SMARCAD1: variants seen among roughly 807,000 people sequenced by gnomAD.
SMARCAD1 encodes the protein SWI/SNF-related matrix-associated actin-dependent regulator of chromatin subfamily A containing DEAD/H box 1.
SMARCAD1 carries 25 observed loss-of-function variants against 127.1 expected under a neutral mutation model. The ratio of observed to expected loss-of-function variants is 0.20; its 90% CI spans 0.14 to 0.27. SMARCAD1 has a LOEUF of 0.27. Ranked by LOEUF, SMARCAD1 falls within the 10% of genes least tolerant of loss-of-function variation. The pLI is 1.00. For missense variants in SMARCAD1, 807 were observed against 1,206.0 expected, an observed-to-expected ratio of 0.67 and a Z score of 4.90; for synonymous variants, 400 against 396.9, an observed-to-expected ratio of 1.01 and a Z score of -0.09.
At chr4:94,225,564 T>C (rs1744861507) in intron 2 of SMARCAD1, among the ~76,000 whole-genome samples, 1 of 152,186 alleles carries the variant, frequency 6.6e-6, no homozygotes, top group South Asian at 2.1e-4. Flanking sequence ...TATTGGTGAT[T>C]GGGACTTAAT....
chr4:94,283,375 T>C, intron 22 of SMARCAD1, 72 bp downstream of exon 22: 1 of 1,459,736 alleles, frequency 6.9e-7, no homozygotes, highest in South Asian at 1.2e-5. Flanking sequence ...TAGAATATAG[T>C]GTTGGATGTC....
intron 7 of SMARCAD1, 152 bp downstream of exon 7, chr4:94,249,907 A>T: frequency 1.6e-6 from 1 of 624,444 alleles, no homozygotes; most frequent in Non-Finnish European, 2.9e-6. Flanking sequence ...AAGTATTTTC[A>T]TACTGTTTAT....
chr4:94,214,417 A>G (rs1341718446), intron 2 of SMARCAD1, among the ~76,000 whole-genome samples: 2 of 145,136 alleles, frequency 1.4e-5, no homozygotes, highest in Non-Finnish European at 3.0e-5. Context: ...GCCCGCCACC[A>G]CGCCGGGCTA....
chr4:94,271,931 T>C (rs1189994595), intron 11 of SMARCAD1, among the ~76,000 whole-genome samples: 2 of 152,240 alleles, frequency 1.3e-5, no homozygotes, highest in African/African-American at 4.8e-5. Flanking sequence ...ACAATATTTA[T>C]AAGTTGATGG....
At chr4:94,242,642 G>T (rs898151126) in intron 6 of SMARCAD1, among the ~76,000 whole-genome samples, 1 of 151,504 alleles carries the variant, frequency 6.6e-6, no homozygotes, top group African/African-American at 2.4e-5. Context: ...ATTAGCTTAT[G>T]CCTATAATCC....
In SMARCAD1 at chr4:94,226,131, T is replaced by G. The variant is rs769953912; in HGVS notation, c.203T>G (p.Val68Gly). Residue 68 changes from valine (V) to glycine (G), a missense_variant, in exon 3 of 24, where the codon GTT becomes GGT. By Grantham distance (109) the Val-to-Gly change is moderately radical. This residue lies in a region of SMARCAD1 where 175 missense variants were observed against 169.5 expected (regional missense o/e 1.03). Coordinates refer to ENST00000354268, the MANE Select transcript of SMARCAD1 (RefSeq NM_020159.5). The part of the protein sequence containing the change: ...DITEKTEDSS[V>G]PETPDNERKA... ...TATTCTCTTGCAGAAGATTCTAGTG[T>G]TCCAGAAACTCCAGATAATGAAAGA... 1.2e-6 allele frequency: 2 copies of G among 1,610,284 alleles called. No individual in the cohort carries two copies. Among genetic ancestry groups the G allele is most frequent in the African/African-American group, 2.7e-5 (2 of 74,826 alleles).
intron 9 of SMARCAD1, among the ~76,000 whole-genome samples, chr4:94,256,304 A>G (rs1037687623): frequency 3.9e-5 from 6 of 151,996 alleles, no homozygotes; most frequent in Non-Finnish European, 7.4e-5. Context: ...CATGTCACAC[A>G]CTGTGCTCCT....
intron 3 of SMARCAD1, among the ~76,000 whole-genome samples, chr4:94,228,679 G>A (rs1410964414): frequency 6.6e-6 from 1 of 151,490 alleles, no homozygotes; most frequent in African/African-American, 2.4e-5. Flanking sequence ...CAGTAACGTA[G>A]TTGTTTACGT....
intron 23 of SMARCAD1, among the ~76,000 whole-genome samples, chr4:94,287,377 A>G (rs566116881): frequency 6.6e-6 from 1 of 152,302 alleles, no homozygotes; most frequent in South Asian, 2.1e-4. Context: ...ACAAAAATGT[A>G]TATTTGTAAT....
intron 4 of SMARCAD1, among the ~76,000 whole-genome samples, chr4:94,235,229 CTTTTTTT>C (rs35123705): frequency 2.5e-5 from 1 of 39,254 alleles, no homozygotes; most frequent in Non-Finnish European, 4.4e-5. Flanking sequence ...ACCACCAATC[CTTTTTTT>C]TTTTTTTTTT....
chr4:94,273,862 T>G, intron 12 of SMARCAD1, 146 bp downstream of exon 12: 2 of 664,834 alleles, frequency 3.0e-6, no homozygotes, highest in Admixed American at 5.5e-5. Flanking sequence ...CTTTATACTT[T>G]TCTCCTTTGT....
chr4:94,277,309 G>A lies in SMARCAD1; in HGVS notation c.2082+150G>A, dbSNP rs1579330203. 4.6e-6 allele frequency: 4 copies of A among 872,894 alleles called. No homozygotes were observed. The South Asian group carries it at 4.7e-5, about 10-fold the overall frequency. The allele number at this position is 872,894 out of a possible 1,614,324, so 54.1% of individuals were successfully genotyped here. ...ATAACTCTATATTTGGATTGGTTTG[G>A]AAACCAGCCAAAATATAATGGGAAA... On this transcript the variant is annotated intron_variant, in intron 16 of 23. Transcript: ENST00000354268.
intron 2 of SMARCAD1, among the ~76,000 whole-genome samples, chr4:94,217,407 G>T (rs1366362861): frequency 3.9e-5 from 6 of 151,944 alleles, no homozygotes; most frequent in Admixed American, 3.9e-4. Flanking sequence ...TTTTTATAGT[G>T]TCATATATAT....
chr4:94,254,428 G>A (rs1449636705), intron 9 of SMARCAD1, among the ~76,000 whole-genome samples: 1 of 152,080 alleles, frequency 6.6e-6, no homozygotes, highest in Non-Finnish European at 1.5e-5. Flanking sequence ...TTTAGTTGCT[G>A]TAAATACTTG....
intron 9 of SMARCAD1, among the ~76,000 whole-genome samples, chr4:94,254,723 C>T (rs1275063306): frequency 6.6e-6 from 1 of 152,062 alleles, no homozygotes; most frequent in East Asian, 1.9e-4. Flanking sequence ...CTAAATGTAT[C>T]TGAAAAGTAA....
intron 5 of SMARCAD1, among the ~76,000 whole-genome samples, chr4:94,239,668 G>A (rs910783480): frequency 6.6e-6 from 1 of 151,690 alleles, no homozygotes; most frequent in East Asian, 1.9e-4. Flanking sequence ...TGCCTCCCAG[G>A]CTCAAGTGAT....
intron 23 of SMARCAD1, 43 bp from the exon 24 acceptor site, chr4:94,289,430 A>C: frequency 6.5e-7 from 1 of 1,548,440 alleles, no homozygotes; most frequent in Non-Finnish European, 8.9e-7. Context: ...TTTTTAAGTA[A>C]AATATTTTTA....
rs1254681955 is a variant in SMARCAD1, at chr4:94,290,626, G to A, written c.*1092G>A. 8.8e-6 allele frequency: 4 copies of A among 454,160 alleles called. No individual in the cohort carries two copies. Among genetic ancestry groups the A allele is most frequent in the Non-Finnish European group, 1.8e-5 (4 of 226,696 alleles). The allele number at this position is 454,160 out of a possible 1,614,324, so 28.1% of individuals were successfully genotyped here. A position where few individuals can be genotyped will look rare whatever the true frequency, so the allele number is the denominator to read the frequency against. On this transcript the variant is annotated 3_prime_UTR_variant, in exon 24 of 24. Coordinates refer to ENST00000354268, the MANE Select transcript of SMARCAD1 (RefSeq NM_020159.5). ...ATTGTTCAATTCCAATTCAGTGTGA[G>A]TGACAAAGTGAAATTTAGAAGTGAA...
Position 94,273,700 on chromosome 4 carries a change from TC to T in SMARCAD1, c.1658del (p.Pro553GlnfsTer5). The T allele has an allele frequency of 6.2e-7, 1 of 1,613,408 alleles. No homozygotes were observed. Among genetic ancestry groups the T allele is most frequent in the Non-Finnish European group, 8.5e-7 (1 of 1,179,446 alleles). On this transcript the variant is annotated frameshift_variant, in exon 12 of 24. Transcript: ENST00000354268. LOFTEE classifies it high-confidence loss of function. ...ATAATGGTCCTCATTTGATCGTTGT[TC>T]CAGCTTCAACTATAGGTTTGTAATA... Reference protein sequence around the residue: ...GNNGPHLIVVPASTIDNWLRE... With the variant: ...GNNGPHLIVVXASTIDNWLRE...
Sources: gnomAD v4.1 joint callset for allele counts (sites outside exome capture counted in the v4.1 genomes callset) on GRCh38, gnomAD v4.1.1 for gene constraint, gnomAD v4.1.1 regional missense constraint, MANE v1.5 for transcripts, NCBI Gene and HGNC (gene_info 2026-07-23, HGNC 2026-07-21) for gene names.